Variants in WFDC3 observed in about 807,000 individuals in gnomAD.
WFDC3 encodes WAP four-disulfide core domain 3.
In WFDC3, 15 loss-of-function variants were observed where a neutral mutation model predicts 25.8. The ratio of observed to expected loss-of-function variants is 0.58; its 90% confidence interval spans 0.39 to 0.89. The LOEUF (loss-of-function observed/expected upper bound fraction) is 0.89, where lower values mean the gene tolerates loss of function less well. Among genes scored for constraint, WFDC3 ranks in the 40% least tolerant of loss-of-function variants. WFDC3 has a pLI of 0.00. For synonymous variants in WFDC3, 103 were observed against 107.1 expected, an observed-to-expected ratio of 0.96 and a Z score of 0.24; for missense variants, 264 against 289.8, an observed-to-expected ratio of 0.91 and a Z score of 0.65.
rs1441053373 is a variant in WFDC3 at position 45,791,870 on chromosome 20, G to C, written c.-46C>G. 1 of 555,860 alleles carries C rather than the reference G, an allele frequency of 1.8e-6. No homozygotes were observed. The highest frequency in any genetic ancestry group is 2.7e-6 in the Non-Finnish European group (1 of 370,556). 34.4% of individuals were successfully genotyped at this position (555,860 alleles called of 1,614,324 possible). Reference sequence around the variant, plus strand: ...GTAACTGTCCTGGGCGAGGCGCGGCGGTTCGGTTCCCATGGTAACCCCGCA... The same window carrying C: ...GTAACTGTCCTGGGCGAGGCGCGGCCGTTCGGTTCCCATGGTAACCCCGCA... On this transcript the variant is annotated 5_prime_UTR_variant, in exon 1 of 7. Coordinates refer to ENST00000243938, the MANE Select transcript of WFDC3 (RefSeq NM_080614.2).
At chr20:45,783,035 T>G (rs1980517139) in intron 4 of WFDC3, among the ~76,000 whole-genome samples, 1 of 147,536 alleles carries the variant, frequency 6.8e-6, no homozygotes, top group South Asian at 2.2e-4. Flanking sequence ...GGGGTTATTA[T>G]GTATTTGTTT....
chr20:45,789,505 CA>C (rs112440465), intron 2 of WFDC3, among the ~76,000 whole-genome samples: 126 of 134,880 alleles, frequency 9.3e-4, no homozygotes, highest in Non-Finnish European at 9.0e-4. Context: ...GACTCCATCT[CA>C]AAAAAAAAAA....
chr20:45,775,924 CT>C (rs1451922264), intron 5 of WFDC3, among the ~76,000 whole-genome samples: 2 of 152,176 alleles, frequency 1.3e-5, no homozygotes, highest in Admixed American at 6.5e-5. Flanking sequence ...CCCCCTCCCC[CT>C]ATGCTCTGGA....
At chr20:45,780,452 G>A (rs920332167) in intron 4 of WFDC3, among the ~76,000 whole-genome samples, 7 of 152,096 alleles carry the variant, frequency 4.6e-5, no homozygotes, top group Non-Finnish European at 8.8e-5. Context: ...AAAACCTGGC[G>A]GATGCCATTC....
chr20:45,788,002 A>G lies in WFDC3; in HGVS notation c.212-20T>C. 6.2e-7 allele frequency: 1 copy of G among 1,608,584 alleles called. No homozygotes were observed. The highest frequency in any genetic ancestry group is 1.1e-5 in the South Asian group (1 of 90,226). ...TCCTCCCTGTAGCAAAAAGGGAGAC[A>G]GCAAAGAAAAGAGAAAATAGGCCGA... On this transcript the variant is annotated intron_variant, in intron 3 of 6. Transcript: ENST00000243938.
chr20:45,786,612 C>T (rs557300216), intron 4 of WFDC3, among the ~76,000 whole-genome samples: 8 of 152,206 alleles, frequency 5.3e-5, no homozygotes, highest in South Asian at 4.1e-4. Flanking sequence ...CACTGGATCT[C>T]GCAAACAGTA....
chr20:45,791,315 T>G (rs1384845818), intron 1 of WFDC3, among the ~76,000 whole-genome samples: 3 of 146,974 alleles, frequency 2.0e-5, no homozygotes, highest in Non-Finnish European at 4.5e-5. Context: ...TTTTTTTTTT[T>G]TGAGACAGTC....
At chr20:45,775,661 T>C (rs1052820290) in intron 5 of WFDC3, 59 bp from the exon 6 acceptor site, 2 of 1,598,270 alleles carry the variant, frequency 1.3e-6, no homozygotes, top group Non-Finnish European at 1.7e-6. Context: ...ATCTCCATGT[T>C]CCCATCGTGA....
At chr20:45,775,715 C>T in intron 5 of WFDC3, 113 bp from the exon 6 acceptor site, 1 of 1,316,812 alleles carries the variant, frequency 7.6e-7, no homozygotes, top group Non-Finnish European at 1.1e-6. Context: ...CTGACCCTCA[C>T]TAGACCCAAC....
intron 6 of WFDC3, among the ~76,000 whole-genome samples, chr20:45,775,034 A>T (rs144601272): frequency 1.6e-3 from 232 of 148,136 alleles, no homozygotes; most frequent in East Asian, 8.2e-3. Flanking sequence ...ACACATTCCC[A>T]CCCTGTGTTC....
intron 1 of WFDC3, among the ~76,000 whole-genome samples, 185 bp downstream of exon 1, chr20:45,791,646 AC>A (rs1167070433): frequency 6.6e-6 from 1 of 152,116 alleles, no homozygotes; most frequent in Non-Finnish European, 1.5e-5. Flanking sequence ...GCGCCGCTGT[AC>A]CAAACGCTTC....
At chr20:45,786,847 T>C (rs890452074) in intron 4 of WFDC3, among the ~76,000 whole-genome samples, 21 of 151,802 alleles carry the variant, frequency 1.4e-4, no homozygotes, top group African/African-American at 5.1e-4. Context: ...GTAATCCCAG[T>C]ACTTTGGGAG....
At chr20:45,786,969 C>G (rs1183400746) in intron 4 of WFDC3, among the ~76,000 whole-genome samples, 3 of 151,588 alleles carry the variant, frequency 2.0e-5, no homozygotes, top group Non-Finnish European at 4.4e-5. Flanking sequence ...TGGCACATGC[C>G]TGTAGTCCCA....
At chr20:45,778,658 G>T (rs1236256588) in intron 4 of WFDC3, 1 of 152,056 alleles carries the variant, frequency 6.6e-6, no homozygotes, top group Non-Finnish European at 1.5e-5. Context: ...TCAATGAGGA[G>T]GCAACTCAGC....
chr20:45,787,275 C>CTTT (rs1047664663), intron 4 of WFDC3, among the ~76,000 whole-genome samples: 1 of 95,132 alleles, frequency 1.1e-5, no homozygotes, highest in Non-Finnish European at 2.2e-5. Flanking sequence ...CAGTGGTTTT[C>CTTT]TTTTTTCTTT....
At chr20:45,786,035 A>G (rs1980653597) in intron 4 of WFDC3, among the ~76,000 whole-genome samples, 1 of 152,144 alleles carries the variant, frequency 6.6e-6, no homozygotes, top group Non-Finnish European at 1.5e-5. Context: ...TCACCTGGCT[A>G]ACTTCAAATC....
chr20:45,780,496 G>A (rs1345135567), intron 4 of WFDC3, among the ~76,000 whole-genome samples: 2 of 152,078 alleles, frequency 1.3e-5, no homozygotes, highest in Non-Finnish European at 2.9e-5. Flanking sequence ...TCACGATCCT[G>A]GCTTTGCCAT....
At chr20:45,775,270 T>G in intron 6 of WFDC3, 147 bp downstream of exon 6, 1 of 1,144,968 alleles carries the variant, frequency 8.7e-7, no homozygotes. Context: ...CCTGTACTGT[T>G]TGTATGAGGG....
At chr20:45,785,145 G>T (rs1367213995) in intron 4 of WFDC3, among the ~76,000 whole-genome samples, 1 of 152,126 alleles carries the variant, frequency 6.6e-6, no homozygotes, top group Non-Finnish European at 1.5e-5. Context: ...CCTGAAATAT[G>T]CAAAATACAC....
Sources: allele counts gnomAD v4.1 joint callset (sites outside exome capture counted in the v4.1 genomes callset), GRCh38; gene constraint gnomAD v4.1.1; transcripts MANE v1.5; gene names NCBI Gene and HGNC (gene_info 2026-07-23, HGNC 2026-07-21).